The following CD40 variants were observed in gnomAD, a reference collection of about 807,000 sequenced individuals.
CD40 encodes the protein CD40 molecule, also known as tumor necrosis factor receptor superfamily member 5.
Under a neutral mutation model 38.5 loss-of-function variants are expected in CD40, and 19 were observed. The observed-to-expected ratio is 0.49, with a 90% CI of 0.34 to 0.72. The LOEUF (loss-of-function observed/expected upper bound fraction) is 0.72, where lower values mean the gene tolerates loss of function less well. CD40 is among the 30% of genes least tolerant of loss of function. The pLI, the probability that CD40 is intolerant of heterozygous loss-of-function variation, is 0.01. For synonymous variants in CD40, 130 were observed against 128.7 expected (o/e 1.01, Z -0.07); for missense variants, 256 against 344.1 (o/e 0.74, Z 2.03).
chr20:46,121,813 T>A lies in CD40; in HGVS notation c.52-7T>A, dbSNP rs1184265228. ...GATCCCTTCAAATTGCACAATTCTGTTTTTAGGTCCATCCAGAACCACCCA... is the reference window on the plus strand; with the variant it reads ...GATCCCTTCAAATTGCACAATTCTGATTTTAGGTCCATCCAGAACCACCCA... On this transcript the variant is annotated splice_polypyrimidine_tract_variant and splice_region_variant and intron_variant, in intron 1 of 8. Transcript: ENST00000372285. 1 of 1,609,468 alleles carries A rather than the reference T, an allele frequency of 6.2e-7. No individual in the cohort carries two copies. Among genetic ancestry groups the A allele is most frequent in the African/African-American group, 1.3e-5 (1 of 74,814 alleles).
At position 46,124,766 on chromosome 20, in the gene CD40, T is replaced by G. The variant is rs937336411; in HGVS notation, c.497+1547T>G. On this transcript the variant is annotated intron_variant, in intron 5 of 8. Transcript: ENST00000372285. ...CACTGGTATAGTTTTTTTTTTTTTT[T>G]TTTTTTTTTTTTTTTTTTGAGACAG... 1.1e-3 allele frequency among the ~76,000 whole-genome samples: 116 copies of G among 109,748 alleles called. 3 individuals are homozygous for G. The highest frequency in any genetic ancestry group is 2.2e-3 in the South Asian group (7 of 3,212). 72.0% of individuals were successfully genotyped at this position (109,748 alleles called of 152,430 possible).
rs878952715 is a variant in CD40 at position 46,122,995 on chromosome 20, G to C, written c.404-131G>C. The C allele has an allele frequency of 2.0e-5, 18 of 889,374 alleles. No individual in the cohort carries two copies. The South Asian group carries it at 2.4e-4, about 12-fold the overall frequency. The allele number at this position is 889,374 out of a possible 1,614,324, so 55.1% of individuals were successfully genotyped here. The stretch of plus-strand genomic sequence containing the variant: ...CCTCCTGGGGACTGCAGCTGTCGGG[G>C]GCAGTACCACATCGGGGGAAGAGTG... On this transcript the variant is annotated intron_variant, in intron 4 of 8. Transcript: ENST00000372285. This position sits in a 1 kb window ranked among gnomAD's most constrained non-coding sequence, Gnocchi z 5.0.
At chr20:46,128,034 G>A (rs930538543) in intron 6 of CD40, 104 bp from the exon 7 acceptor site, 64 of 1,603,790 alleles carry the variant, frequency 4.0e-5, no homozygotes, top group Non-Finnish European at 4.9e-5. Context: ...TGATGTAGAT[G>A]AGCTCTGACA....
chr20:46,128,745 AC>A, intron 8 of CD40, 136 bp from the exon 9 acceptor site: 1 of 882,620 alleles, frequency 1.1e-6, no homozygotes, highest in South Asian at 1.6e-5. Context: ...GGCAGGAGGC[AC>A]CCGAGGAATC....
At chr20:46,123,044 C>T (rs1451380695) in intron 4 of CD40, 82 bp from the exon 5 acceptor site, 1 of 1,123,122 alleles carries the variant, frequency 8.9e-7, no homozygotes, top group African/African-American at 1.5e-5. Context: ...CTCTTCCCGT[C>T]CTGCCTGGCC....
rs184387292 is a variant in CD40, at chr20:46,122,413, A to C, written c.256+55A>C. Reference sequence around the variant, plus strand: ...GGGAACCGGGCTGATATTCCCGACAATGCAGCCATTCTAATTTTATGTAGC... The same window carrying C: ...GGGAACCGGGCTGATATTCCCGACACTGCAGCCATTCTAATTTTATGTAGC... On this transcript the variant is annotated intron_variant, in intron 3 of 8. Coordinates refer to ENST00000372285, the MANE Select transcript of CD40 (RefSeq NM_001250.6). The surrounding 1 kb of genome is among the most constrained non-coding windows in gnomAD (Gnocchi z 5.0). The C allele has an allele frequency of 1.2e-6, 2 of 1,611,866 alleles. No homozygotes were observed. The highest frequency in any genetic ancestry group is 1.7e-6 in the Non-Finnish European group (2 of 1,178,696).
intron 1 of CD40, among the ~76,000 whole-genome samples, chr20:46,120,891 C>A (rs1231102659): frequency 6.6e-6 from 1 of 152,020 alleles, no homozygotes; most frequent in Non-Finnish European, 1.5e-5. Context: ...ATGGTGAAAC[C>A]CTGTCTCTAC....
chr20:46,128,786 G>T (rs1484356515), intron 8 of CD40, 96 bp from the exon 9 acceptor site: 1 of 1,328,332 alleles, frequency 7.5e-7, no homozygotes, highest in South Asian at 1.2e-5. Context: ...GGAAAGGGGG[G>T]AGGGCTTGGG....
intron 8 of CD40, chr20:46,128,601 C>A: frequency 1.4e-6 from 1 of 703,858 alleles, no homozygotes; most frequent in Non-Finnish European, 2.5e-6. Flanking sequence ...CCTTTCCTGG[C>A]ATTCAACGCG....
intron 8 of CD40, 180 bp from the exon 9 acceptor site, chr20:46,128,702 A>G (rs1400304254): frequency 5.8e-6 from 4 of 690,244 alleles, no homozygotes; most frequent in Admixed American, 2.4e-5. Context: ...CCACTCTGGA[A>G]GCTCTTCGTC....
At chr20:46,119,782 G>T (rs2085282074) in intron 1 of CD40, among the ~76,000 whole-genome samples, 1 of 152,220 alleles carries the variant, frequency 6.6e-6, no homozygotes, top group Non-Finnish European at 1.5e-5. Flanking sequence ...GCTAATGGAA[G>T]AACCTGGTTG....
In CD40 at chr20:46,128,900, G is replaced by A. The variant is rs1265183669; in HGVS notation, c.694G>A (p.Glu232Lys). The change falls in exon 9 of 9, where the codon GAA becomes AAA. Residue 232 changes from glutamate (E) to lysine (K), a missense_variant. Transcript: ENST00000372285. Reference protein sequence around the residue: ...PTNKAPHPKQEPQEINFPDDL... With the variant: ...PTNKAPHPKQKPQEINFPDDL... Reference sequence around the variant, plus strand: ...TCTCCAGGCCCCCCACCCCAAGCAGGAACCCCAGGAGATCAATTTTCCCGA... The same window carrying A: ...TCTCCAGGCCCCCCACCCCAAGCAGAAACCCCAGGAGATCAATTTTCCCGA... 1.2e-6 allele frequency: 2 copies of A among 1,614,006 alleles called. No homozygotes were observed. The highest frequency in any genetic ancestry group is 1.7e-6 in the Non-Finnish European group (2 of 1,180,004).
intron 5 of CD40, among the ~76,000 whole-genome samples, chr20:46,124,586 C>A (rs1001797227): frequency 2.0e-5 from 3 of 151,108 alleles, no homozygotes; most frequent in African/African-American, 7.3e-5. Flanking sequence ...TGTTAACTGT[C>A]TGCCTTTCCC....
chr20:46,123,290 C>T, intron 5 of CD40, 71 bp downstream of exon 5: 1 of 1,133,434 alleles, frequency 8.8e-7, no homozygotes, highest in South Asian at 1.2e-5. Flanking sequence ...TCTCCAGCCA[C>T]CTGTCCTGTC....
In CD40 at chr20:46,122,371, T is replaced by C. The variant is rs2085336064; in HGVS notation, c.256+13T>C. On this transcript the variant is annotated intron_variant, in intron 3 of 8. Coordinates refer to ENST00000372285, the MANE Select transcript of CD40 (RefSeq NM_001250.6). This position sits in a 1 kb window ranked among gnomAD's most constrained non-coding sequence, Gnocchi z 5.0. ...TACTGCGACCCCAGTGCGTGCGCTG[T>C]TGGGAAAGGGACGCTTGGGAACCGG... 1 of 1,614,134 alleles carries C rather than the reference T, an allele frequency of 6.2e-7. No individual in the cohort carries two copies. The highest frequency in any genetic ancestry group is 2.2e-5 in the East Asian group (1 of 44,878).
intron 6 of CD40, chr20:46,127,924 A>T (rs2145611788): frequency 5.6e-6 from 5 of 887,496 alleles, no homozygotes; most frequent in Non-Finnish European, 8.4e-6. Context: ...CTCCCAGTTT[A>T]AAAATGTCGG....
chr20:46,118,420 C>T (rs759667623), intron 1 of CD40, 26 bp downstream of exon 1: 1 of 1,435,810 alleles, frequency 7.0e-7, no homozygotes, highest in Non-Finnish European at 9.4e-7. Context: ...CCCGACCAGA[C>T]GGGAGTTGGG....
chr20:46,123,245 C>A, intron 5 of CD40, 26 bp downstream of exon 5: 1 of 1,559,952 alleles, frequency 6.4e-7, no homozygotes, highest in Non-Finnish European at 8.8e-7. Flanking sequence ...CCTTGTGTTT[C>A]CTGCTCTAAG....
Position 46,122,390 on chromosome 20 carries a change from G to T in CD40, c.256+32G>T, listed in dbSNP as rs1315209626. Reference sequence around the variant, plus strand: ...GCGCTGTTGGGAAAGGGACGCTTGGGAACCGGGCTGATATTCCCGACAATG... The same window carrying T: ...GCGCTGTTGGGAAAGGGACGCTTGGTAACCGGGCTGATATTCCCGACAATG... On this transcript the variant is annotated intron_variant, in intron 3 of 8. Transcript: ENST00000372285. The surrounding 1 kb of genome is among the most constrained non-coding windows in gnomAD (Gnocchi z 5.0). The T allele has an allele frequency of 1.9e-6, 3 of 1,613,724 alleles. No individual in the cohort carries two copies. In the African/African-American group the frequency reaches 4.0e-5, roughly 22 times the overall value.
Sources: gnomAD v4.1 joint callset for allele counts (sites outside exome capture counted in the v4.1 genomes callset) on GRCh38, gnomAD v4.1.1 for gene constraint, Gnocchi (gnomAD v3.1) non-coding constraint, MANE v1.5 for transcripts, NCBI Gene and HGNC (gene_info 2026-07-23, HGNC 2026-07-21) for gene names.